The following DAZAP1 variants were observed in gnomAD, a reference collection of about 807,000 sequenced individuals.
The protein encoded by DAZAP1 is DAZ associated protein 1.
In DAZAP1, 6 loss-of-function variants were observed where a neutral mutation model predicts 60.1. That is an observed-to-expected ratio of 0.10 (90% confidence interval 0.05 to 0.20). DAZAP1 has a LOEUF of 0.20. Among genes scored for constraint, DAZAP1 ranks in the 10% least tolerant of loss-of-function variants. DAZAP1 has a pLI of 1.00. For missense variants in DAZAP1, 366 were observed against 560.4 expected, an observed-to-expected ratio of 0.65 and a Z score of 3.50; for synonymous variants, 235 against 215.9, an observed-to-expected ratio of 1.09 and a Z score of -0.78.
rs143612423 is a variant in DAZAP1 at position 1,434,812 on chromosome 19, G to C, written c.1124G>C (p.Gly375Ala). ...AGCCAGCAGCCTCCTTCCTACGGGG[G>C]TCCCTCCGTGCCAGGGTCGGGGGGC... ...DPSQQPPSYG[G>A]PSVPGSGGPP... Residue 375 changes from glycine (G) to alanine (A), a missense_variant, in exon 12 of 12, where the codon GGT (glycine) becomes GCT (alanine). Gly to Ala is a moderately conservative substitution (Grantham distance 60). This residue lies in a region of DAZAP1 where 240 missense variants were observed against 308.8 expected (regional missense o/e 0.78). Coordinates refer to ENST00000233078, the MANE Select transcript of DAZAP1 (RefSeq NM_018959.4). This position sits in a 1 kb window ranked among gnomAD's most constrained non-coding sequence, Gnocchi z 8.0. 1.2e-4 allele frequency: 199 copies of C among 1,611,436 alleles called. No individual in the cohort carries two copies. In the South Asian group the frequency reaches 2.1e-3, roughly 17 times the overall value.
At position 1,414,343 on chromosome 19, in the gene DAZAP1, A is replaced by G. The variant is rs778462455; in HGVS notation, c.30-3157A>G. Among the ~76,000 whole-genome samples the G allele has an allele frequency of 9.0e-4, 137 of 152,280 alleles. 1 individual carries two copies. Among genetic ancestry groups the G allele is most frequent in the Non-Finnish European group, 1.1e-3 (73 of 68,028 alleles). On this transcript the variant is annotated intron_variant, in intron 1 of 11. Transcript: ENST00000233078. ...CCACTGTGTGTGTTTCTACTGAAATATTTGAGAGTAGCTGGAGACCGATGC... is the reference window on the plus strand; with the variant it reads ...CCACTGTGTGTGTTTCTACTGAAATGTTTGAGAGTAGCTGGAGACCGATGC...
chr19:1,430,962 C>G (rs1010235132), intron 10 of DAZAP1, among the ~76,000 whole-genome samples: 1 of 150,058 alleles, frequency 6.7e-6, no homozygotes, highest in Non-Finnish European at 1.5e-5. Flanking sequence ...ACCTTGTGAT[C>G]CGCCTGCCTC....
In DAZAP1 at chr19:1,433,234, G is replaced by A. The variant is rs538612289; in HGVS notation, c.1048+544G>A. 1.1e-4 allele frequency: 18 copies of A among 166,950 alleles called. No homozygotes were observed. The highest frequency in any genetic ancestry group is 1.9e-4 in the Non-Finnish European group (15 of 80,558). The allele number at this position is 166,950 out of a possible 1,614,324, so 10.3% of individuals were successfully genotyped here. A position where few individuals can be genotyped will look rare whatever the true frequency, so the allele number is the denominator to read the frequency against. ...ATGTGCTTCCGGGGCAGGAGCTTGT[G>A]GGGGGGCGGGGTCAGCATGGGTCAA... On this transcript the variant is annotated intron_variant, in intron 11 of 11. Coordinates refer to ENST00000233078, the MANE Select transcript of DAZAP1 (RefSeq NM_018959.4). The surrounding 1 kb of genome is among the most constrained non-coding windows in gnomAD (Gnocchi z 6.1).
intron 1 of DAZAP1, 140 bp from the exon 2 acceptor site, chr19:1,417,360 C>T: frequency 2.2e-6 from 2 of 907,458 alleles, no homozygotes; most frequent in East Asian, 2.7e-5. Flanking sequence ...TTGCTGTGAG[C>T]TTTGTATGCC....
intron 4 of DAZAP1, among the ~76,000 whole-genome samples, chr19:1,419,237 A>G (rs2083076319): frequency 6.6e-6 from 1 of 152,166 alleles, no homozygotes; most frequent in African/African-American, 2.4e-5. Flanking sequence ...GGGTCTCACC[A>G]CCACCCACAC....
chr19:1,417,955 C>T (rs116572788), intron 2 of DAZAP1, among the ~76,000 whole-genome samples: 207 of 152,306 alleles, frequency 1.4e-3, no homozygotes, highest in African/African-American at 4.6e-3. Flanking sequence ...CCTTCCTGGA[C>T]GCCTACAAAG....
intron 1 of DAZAP1, among the ~76,000 whole-genome samples, chr19:1,413,380 C>T (rs1344877653): frequency 6.6e-6 from 1 of 152,248 alleles, no homozygotes; most frequent in Non-Finnish European, 1.5e-5. Context: ...GCTTCTCACT[C>T]ACGACCTGGT....
At chr19:1,420,534 C>A (rs952260479) in intron 4 of DAZAP1, among the ~76,000 whole-genome samples, 3 of 151,926 alleles carry the variant, frequency 2.0e-5, no homozygotes, top group African/African-American at 7.3e-5. Flanking sequence ...GGAGAGCAGC[C>A]CCAGCCCTAA....
Position 1,416,518 on chromosome 19 carries a change from G to C in DAZAP1, c.30-982G>C, listed in dbSNP as rs1025713710. 2 of 152,274 alleles carry C rather than the reference G, an allele frequency of 1.3e-5. No individual in the cohort carries two copies. The highest frequency in any genetic ancestry group is 4.8e-5 in the African/African-American group (2 of 41,464). The allele number at this position is 152,274 out of a possible 1,614,324, so 9.4% of individuals were successfully genotyped here. ...CACCTCTTCCCTGCCTCCTGGGCTT[G>C]GGGGAAGCTTGAATGACATCTAAGG... On this transcript the variant is annotated intron_variant, in intron 1 of 11. Coordinates refer to ENST00000233078, the MANE Select transcript of DAZAP1 (RefSeq NM_018959.4). This position sits in a 1 kb window ranked among gnomAD's most constrained non-coding sequence, Gnocchi z 4.3.
rs2083205893 is a variant in DAZAP1 at position 1,423,068 on chromosome 19, T to C, written c.463+672T>C. On this transcript the variant is annotated intron_variant, in intron 6 of 11. Transcript: ENST00000233078. The surrounding 1 kb of genome is among the most constrained non-coding windows in gnomAD (Gnocchi z 6.8). The stretch of plus-strand genomic sequence containing the variant: ...CGCCCGCCCGCATGGTTTTGGTTCA[T>C]CAGCTGCTTTTGGCCGGCCACGTGA... 6.6e-6 allele frequency among the ~76,000 whole-genome samples: 1 copy of C among 150,772 alleles called. No individual in the cohort carries two copies. The highest frequency in any genetic ancestry group is 1.5e-5 in the Non-Finnish European group (1 of 67,874).
chr19:1,411,786 T>A (rs765072018), intron 1 of DAZAP1, among the ~76,000 whole-genome samples: 7 of 151,858 alleles, frequency 4.6e-5, no homozygotes, highest in Non-Finnish European at 8.8e-5. Flanking sequence ...GAGCTGGGAG[T>A]CCACACTCCT....
chr19:1,412,313 C>T lies in DAZAP1; in HGVS notation c.29+4511C>T, dbSNP rs572542512. Among the ~76,000 whole-genome samples the T allele has an allele frequency of 2.1e-3, 316 of 152,282 alleles. 1 individual carries two copies. Among genetic ancestry groups the T allele is most frequent in the African/African-American group, 7.1e-3 (295 of 41,554 alleles). ...AGTGGGTGAAGTGGTCCTGGTTTCC[C>T]ACCTGGTCTTAGGGGCAGGAAAGTC... is the stretch of plus-strand genomic sequence containing the variant. On this transcript the variant is annotated intron_variant, in intron 1 of 11. Coordinates refer to ENST00000233078, the MANE Select transcript of DAZAP1 (RefSeq NM_018959.4).
Position 1,434,980 on chromosome 19 carries a change from C to A in DAZAP1, c.*68C>A. On this transcript the variant is annotated 3_prime_UTR_variant, in exon 12 of 12. Coordinates refer to ENST00000233078, the MANE Select transcript of DAZAP1 (RefSeq NM_018959.4). The surrounding 1 kb of genome is among the most constrained non-coding windows in gnomAD (Gnocchi z 8.0). ...CAAACTTGTGAACTCGTGACAATCA[C>A]AAACTTGGCGGCAAAGTGGCGACTC... 9.3e-7 allele frequency: 1 copy of A among 1,079,458 alleles called. No individual in the cohort carries two copies. The highest frequency in any genetic ancestry group is 1.1e-6 in the Non-Finnish European group (1 of 877,970). The allele number at this position is 1,079,458 out of a possible 1,614,324, so 66.9% of individuals were successfully genotyped here. A position where few individuals can be genotyped will look rare whatever the true frequency, so the allele number is the denominator to read the frequency against.
chr19:1,426,926 T>G lies in DAZAP1; in HGVS notation c.546+966T>G, dbSNP rs565670075. On this transcript the variant is annotated intron_variant, in intron 7 of 11. Coordinates refer to ENST00000233078, the MANE Select transcript of DAZAP1 (RefSeq NM_018959.4). The surrounding 1 kb of genome is among the most constrained non-coding windows in gnomAD (Gnocchi z 5.4). ...CATGGTTGTTTTTTCAATTAAAATG[T>G]CCTGGAGGGAGCATCGTGCTCATTA... 2.0e-5 allele frequency: 3 copies of G among 152,356 alleles called. No individual in the cohort carries two copies. The East Asian group carries it at 5.8e-4, about 29-fold the overall frequency. 9.4% of individuals were successfully genotyped at this position (152,356 alleles called of 1,614,324 possible).
At chr19:1,419,998 C>T (rs1327759262) in intron 4 of DAZAP1, among the ~76,000 whole-genome samples, 3 of 95,216 alleles carry the variant, frequency 3.2e-5, no homozygotes, top group East Asian at 7.5e-4. Flanking sequence ...TCACCCCACG[C>T]GCACACTCAT....
intron 1 of DAZAP1, chr19:1,417,200 G>A (rs562323940): frequency 1.7e-5 from 8 of 461,156 alleles, no homozygotes; most frequent in African/African-American, 8.1e-5. Context: ...GCAGGTGAGC[G>A]TGGTGCCGTC....
In DAZAP1 at chr19:1,425,786, G is replaced by T; in HGVS notation, c.464-92G>T. ...ACACACAGCTTAGCTGAAACCCAAG[G>T]TCGATCCCTCGGCCCGTCCCTAATA... On this transcript the variant is annotated intron_variant, in intron 6 of 11. Coordinates refer to ENST00000233078, the MANE Select transcript of DAZAP1 (RefSeq NM_018959.4). This position sits in a 1 kb window ranked among gnomAD's most constrained non-coding sequence, Gnocchi z 5.4. 1 of 931,332 alleles carries T rather than the reference G, an allele frequency of 1.1e-6. No individual in the cohort carries two copies. Among genetic ancestry groups the T allele is most frequent in the South Asian group, 1.3e-5 (1 of 75,596 alleles). 57.7% of individuals were successfully genotyped at this position (931,332 alleles called of 1,614,324 possible).
rs2083514078 is a variant in DAZAP1 at position 1,433,641 on chromosome 19, G to A, written c.1048+951G>A. ...AACCCTGGCGTGTCTGAGACTGGCA[G>A]GGGGGTGTGAGGCGCCCGGTTGGGG... is the stretch of plus-strand genomic sequence containing the variant. On this transcript the variant is annotated intron_variant, in intron 11 of 11. Transcript: ENST00000233078. This position sits in a 1 kb window ranked among gnomAD's most constrained non-coding sequence, Gnocchi z 6.1. The A allele has an allele frequency of 2.1e-6, 2 of 957,684 alleles. No homozygotes were observed. The highest frequency in any genetic ancestry group is 3.3e-6 in the Non-Finnish European group (2 of 607,810). The allele number at this position is 957,684 out of a possible 1,614,324, so 59.3% of individuals were successfully genotyped here.
intron 4 of DAZAP1, among the ~76,000 whole-genome samples, chr19:1,420,632 G>A (rs557365858): frequency 3.3e-5 from 5 of 152,124 alleles, no homozygotes; most frequent in Admixed American, 6.5e-5. Context: ...AGGAGCAGGC[G>A]CCCTTGCCAG....
Sources: gnomAD v4.1 joint callset for allele counts (sites outside exome capture counted in the v4.1 genomes callset) on GRCh38, gnomAD v4.1.1 for gene constraint, gnomAD v4.1.1 regional missense constraint, Gnocchi (gnomAD v3.1) non-coding constraint, MANE v1.5 for transcripts, NCBI Gene and HGNC (gene_info 2026-07-23, HGNC 2026-07-21) for gene names.